The following NGLY1 variants were observed in gnomAD, a reference collection of about 807,000 sequenced individuals.
NGLY1 encodes the protein N-glycanase 1.
A neutral mutation model predicts 84.6 loss-of-function variants in NGLY1; 68 were observed. The ratio of observed to expected loss-of-function variants is 0.80; its 90% CI spans 0.66 to 0.98. The LOEUF is 0.98. NGLY1 is among the 50% of genes least tolerant of loss of function. The pLI is 0.00. For synonymous variants in NGLY1, 280 were observed against 275.2 expected, an observed-to-expected ratio of 1.02 and a Z score of -0.17; for missense variants, 779 against 770.2, an observed-to-expected ratio of 1.01 and a Z score of -0.14.
At chr3:25,755,184 C>T (rs527953961) in intron 3 of NGLY1, 2 of 1,295,824 alleles carry the variant, frequency 1.5e-6, no homozygotes, top group Admixed American at 1.7e-5. Context: ...TCTCTTCCCC[C>T]AAGAGGTTTC....
chr3:25,723,157 T>C (rs1253021341), intron 10 of NGLY1, among the ~76,000 whole-genome samples: 1 of 152,236 alleles, frequency 6.6e-6, no homozygotes, highest in East Asian at 1.9e-4. Flanking sequence ...GCCTTAATTA[T>C]ATTGTGTGGG....
In NGLY1 at chr3:25,783,326, T is replaced by C. The variant is rs547866120; in HGVS notation, c.65A>G (p.Gln22Arg). 4.4e-6 allele frequency: 7 copies of C among 1,597,428 alleles called. No individual in the cohort carries two copies. The highest frequency in any genetic ancestry group is 1.7e-6 in the Non-Finnish European group (2 of 1,173,232). ...SASPAVAELC[Q>R]NTPETFLEAS... ...CTCCAAAAAGGTCTCCGGGGTGTTC[T>C]GGCAGAGCTCAGCCACGGCCGGGGA... Residue 22 changes from glutamine (Q) to arginine (R), a missense_variant, in exon 1 of 12, where the codon CAG (glutamine) becomes CGG (arginine). Coordinates refer to ENST00000280700, the MANE Select transcript of NGLY1 (RefSeq NM_018297.4). The surrounding 1 kb of genome is among the most constrained non-coding windows in gnomAD (Gnocchi z 4.5).
chr3:25,768,269 A>T (rs1707711801), intron 2 of NGLY1, among the ~76,000 whole-genome samples: 1 of 145,460 alleles, frequency 6.9e-6, no homozygotes, highest in Non-Finnish European at 1.5e-5. Context: ...CTAAAAATAC[A>T]AAAAAAATTA....
chr3:25,720,284 T>C (rs1704919218), intron 10 of NGLY1, 93 bp from the exon 11 acceptor site: 1 of 1,006,904 alleles, frequency 9.9e-7, no homozygotes, highest in Admixed American at 2.4e-5. Context: ...TGTCACAGGG[T>C]AGTATGTACA....
chr3:25,770,803 T>C (rs1707856962), intron 2 of NGLY1, among the ~76,000 whole-genome samples: 1 of 152,240 alleles, frequency 6.6e-6, no homozygotes, highest in South Asian at 2.1e-4. Context: ...ATTTCCCTGA[T>C]AAAGATGTTG....
chr3:25,783,470 T>C (rs539304818), upstream of NGLY1: 8 of 1,337,062 alleles, frequency 6.0e-6, no homozygotes, highest in South Asian at 1.5e-4. The surrounding 1 kb of genome is among the most constrained non-coding windows in gnomAD (Gnocchi z 4.5). Flanking sequence ...GCGCAGCAGC[T>C]ACCGCAGCCA....
intron 2 of NGLY1, among the ~76,000 whole-genome samples, chr3:25,765,718 G>A (rs923952913): frequency 6.6e-6 from 1 of 152,108 alleles, no homozygotes; most frequent in Admixed American, 6.6e-5. Flanking sequence ...TATTGTCTTT[G>A]TGTGTTCTAA....
intron 9 of NGLY1, chr3:25,730,257 T>G (rs772376024): frequency 6.6e-6 from 1 of 152,118 alleles, no homozygotes; most frequent in African/African-American, 2.4e-5. Context: ...CTGTTTCCAA[T>G]TGATTGCAAG....
At chr3:25,788,372 G>C (rs1270449461), upstream of NGLY1, among the ~76,000 whole-genome samples, 1 of 152,146 alleles carries the variant, frequency 6.6e-6, no homozygotes, top group African/African-American at 2.4e-5. Context: ...TTAATAGGAG[G>C]GTAGGATAAG....
intron 4 of NGLY1, chr3:25,749,532 G>A: frequency 6.3e-7 from 1 of 1,583,868 alleles, no homozygotes; most frequent in East Asian, 2.2e-5. Context: ...TCATCAAAAA[G>A]AGAACCAAGA....
chr3:25,740,078 T>A (rs970223140), intron 4 of NGLY1, among the ~76,000 whole-genome samples: 12 of 152,188 alleles, frequency 7.9e-5, no homozygotes, highest in African/African-American at 2.9e-4. Context: ...AATGACCTCT[T>A]AGGGAACTAT....
chr3:25,719,883 T>A, intron 11 of NGLY1, 131 bp downstream of exon 11: 3 of 498,836 alleles, frequency 6.0e-6, no homozygotes, highest in Non-Finnish European at 5.4e-6. Context: ...GTTTATTAAA[T>A]TTTTTTTTTT....
intron 10 of NGLY1, among the ~76,000 whole-genome samples, chr3:25,725,775 A>T (rs73059706): frequency 6.6e-6 from 1 of 152,332 alleles, no homozygotes; most frequent in Non-Finnish European, 1.5e-5. Context: ...TAGAGTGAAC[A>T]AAACAAAACA....
At chr3:25,732,990 T>C (rs1469808913) in intron 8 of NGLY1, among the ~76,000 whole-genome samples, 3 of 152,192 alleles carry the variant, frequency 2.0e-5, no homozygotes, top group Non-Finnish European at 4.4e-5. Flanking sequence ...TGTCAATTAT[T>C]AAGTGGCATG....
chr3:25,789,850 G>A lies in NGLY1; in HGVS notation c.5+11C>T, dbSNP rs1708684102. ...AAAGAAAAATGCCTTTTTGATGGGT[G>A]AAAATGCTACCTCATCGCGTTATTG... On this transcript the variant is annotated intron_variant, in intron 1 of 11. Transcript: ENST00000417874. 3.9e-6 allele frequency: 6 copies of A among 1,551,750 alleles called. No individual in the cohort carries two copies. In the East Asian group the frequency reaches 1.5e-4, roughly 38 times the overall value.
rs1291397698 is a variant in NGLY1 at position 25,737,349 on chromosome 3, C to T, written c.988G>A (p.Val330Ile). The T allele has an allele frequency of 3.1e-6, 5 of 1,612,952 alleles. No individual in the cohort carries two copies. The highest frequency in any genetic ancestry group is 3.4e-6 in the Non-Finnish European group (4 of 1,179,710). The change falls in exon 6 of 12, where the codon GTT becomes ATT. Residue 330 changes from valine to isoleucine, a missense_variant. Val to Ile is a conservative substitution (Grantham distance 29). Coordinates refer to ENST00000280700, the MANE Select transcript of NGLY1 (RefSeq NM_018297.4). Reference sequence around the variant, plus strand: ...CATTCTGTACCTGTGTAATCCCAAACATAGCGAGCTTCAAACCCTACAGCT... The same window carrying T: ...CATTCTGTACCTGTGTAATCCCAAATATAGCGAGCTTCAAACCCTACAGCT... ...CRAVGFEARY[V>I]WDYTDHVWTE...
At chr3:25,777,940 C>A (rs1708233464) in intron 2 of NGLY1, 1 of 152,230 alleles carries the variant, frequency 6.6e-6, no homozygotes, top group Non-Finnish European at 1.5e-5. Flanking sequence ...CTGACGACCA[C>A]TGACTATTGA....
chr3:25,778,897 G>T (rs1708273786), intron 1 of NGLY1, among the ~76,000 whole-genome samples: 1 of 149,868 alleles, frequency 6.7e-6, no homozygotes, highest in Middle Eastern at 3.4e-3. Context: ...TGAGATGGGG[G>T]GGGTCTCGCT....
At chr3:25,789,462 A>G (rs1708674748) in intron 1 of NGLY1, among the ~76,000 whole-genome samples, 1 of 152,248 alleles carries the variant, frequency 6.6e-6, no homozygotes, top group Non-Finnish European at 1.5e-5. Context: ...TAAGGAGGGA[A>G]AGATCACAAT....
Sources: allele counts gnomAD v4.1 joint callset (sites outside exome capture counted in the v4.1 genomes callset), GRCh38; gene constraint gnomAD v4.1.1; non-coding constraint Gnocchi (gnomAD v3.1); transcripts MANE v1.5; gene names NCBI Gene and HGNC (gene_info 2026-07-23, HGNC 2026-07-21).